The following S100A8 variants were observed in gnomAD, a reference collection of about 807,000 sequenced individuals.
S100A8 encodes the protein S100 calcium binding protein A8, also known as protein S100-A8.
Under a neutral mutation model 4.2 loss-of-function variants are expected in S100A8, and 1 was observed. That is an observed-to-expected ratio of 0.24 (90% CI 0.08 to 1.12). The LOEUF is 1.12. Among genes scored for constraint, S100A8 ranks in the 50% most tolerant of loss-of-function variants. The pLI is 0.53. For missense variants in S100A8, 96 were observed against 111.8 expected (o/e 0.86, Z 0.64); for synonymous variants, 41 against 44.7 (o/e 0.92, Z 0.33).
the S100A8 span, among the ~76,000 whole-genome samples, chr1:153,410,599 A>C: frequency 6.6e-6 from 1 of 152,212 alleles, no homozygotes; most frequent in African/African-American, 2.4e-5. Context: ...CAATCAATAG[A>C]AAAAGAGGGA....
the S100A8 span, chr1:153,418,192 AG>A: frequency 1.2e-6 from 2 of 1,613,874 alleles, no homozygotes; most frequent in African/African-American, 2.7e-5. Context: ...ACGATGATGA[AG>A]GAGAACTTCC....
At chr1:153,404,184 C>T in the S100A8 span, among the ~76,000 whole-genome samples, 4 of 152,190 alleles carry the variant, frequency 2.6e-5, no homozygotes, top group South Asian at 2.1e-4. Flanking sequence ...CCCACCCTTC[C>T]GGCACCCCAC....
the S100A8 span, among the ~76,000 whole-genome samples, chr1:153,407,927 TAACA>T: frequency 1.3e-5 from 2 of 152,128 alleles, no homozygotes; most frequent in African/African-American, 4.8e-5. Flanking sequence ...GAAGGAAAAC[TAACA>T]AACAGAAAGG....
the S100A8 span, among the ~76,000 whole-genome samples, chr1:153,398,895 C>T: frequency 6.6e-6 from 1 of 152,218 alleles, no homozygotes; most frequent in Non-Finnish European, 1.5e-5. Flanking sequence ...TCTTTGGGAA[C>T]AAGCCCAAAG....
upstream of S100A8, among the ~76,000 whole-genome samples, chr1:153,392,311 A>G (rs953838574): frequency 6.6e-6 from 1 of 152,230 alleles, no homozygotes; most frequent in African/African-American, 2.4e-5. Flanking sequence ...AAGGATGACT[A>G]CTACTTCTTT....
chr1:153,406,542 C>T, the S100A8 span, among the ~76,000 whole-genome samples: 280 of 151,716 alleles, frequency 1.8e-3, 1 homozygote, highest in East Asian at 0.037. Context: ...ACCTGCACAC[C>T]CAGAACAGAG....
chr1:153,410,355 T>C, the S100A8 span, among the ~76,000 whole-genome samples: 7 of 152,370 alleles, frequency 4.6e-5, no homozygotes, highest in East Asian at 7.7e-4. Flanking sequence ...TAAACACTTC[T>C]ATGCAAATAA....
the S100A8 span, among the ~76,000 whole-genome samples, chr1:153,408,804 G>A: frequency 6.6e-6 from 1 of 152,238 alleles, no homozygotes; most frequent in Non-Finnish European, 1.5e-5. Flanking sequence ...CAAGCCAGAA[G>A]AGAGTCGGGG....
chr1:153,418,109 C>A, the S100A8 span: 1 of 1,614,126 alleles, frequency 6.2e-7, no homozygotes, highest in East Asian at 2.2e-5. Context: ...CTGAGAGGTC[C>A]ATAATAGGCA....
chr1:153,418,385 G>A, the S100A8 span, among the ~76,000 whole-genome samples: 1 of 152,186 alleles, frequency 6.6e-6, no homozygotes, highest in Non-Finnish European at 1.5e-5. Flanking sequence ...TCTAAGGATG[G>A]TAGGCGAAAA....
the S100A8 span, among the ~76,000 whole-genome samples, chr1:153,406,588 A>G: frequency 6.6e-6 from 1 of 152,230 alleles, no homozygotes; most frequent in Non-Finnish European, 1.5e-5. Flanking sequence ...GATAAAATAC[A>G]GCAAAAAGAA....
chr1:153,404,567 C>G, the S100A8 span, among the ~76,000 whole-genome samples: 1 of 152,158 alleles, frequency 6.6e-6, no homozygotes, highest in Admixed American at 6.5e-5. Flanking sequence ...ATGTCCATTT[C>G]GTATCATCAC....
chr1:153,397,431 G>A, the S100A8 span, among the ~76,000 whole-genome samples: 3 of 152,236 alleles, frequency 2.0e-5, no homozygotes, highest in Non-Finnish European at 4.4e-5. Context: ...AGCTGTCCAG[G>A]TTGTTCCGAG....
At position 153,390,066 on chromosome 1, in the gene S100A8, A is replaced by G; in HGVS notation, c.*37T>C. The G allele has an allele frequency of 5.7e-6, 9 of 1,574,648 alleles. No homozygotes were observed. Among genetic ancestry groups the G allele is most frequent in the South Asian group, 4.5e-5 (4 of 87,990 alleles). ...GATGACTTTATTATTCTGCAGGTAC[A>G]TGTCCAGGGGCCCAGCCTCTGGGCC... On this transcript the variant is annotated 3_prime_UTR_variant, in exon 3 of 3. Transcript: ENST00000368733.
chr1:153,411,529 C>G, the S100A8 span, among the ~76,000 whole-genome samples: 10 of 152,264 alleles, frequency 6.6e-5, no homozygotes, highest in South Asian at 2.1e-3. Flanking sequence ...TAGGAAGAAT[C>G]AATATTGTGA....
chr1:153,421,441 A>G, the S100A8 span: 1 of 152,250 alleles, frequency 6.6e-6, no homozygotes, highest in Non-Finnish European at 1.5e-5. Flanking sequence ...CCCAGCACAT[A>G]GTAGTACTGG....
At chr1:153,418,111 T>C in the S100A8 span, 77 of 1,614,074 alleles carry the variant, frequency 4.8e-5, no homozygotes, top group Non-Finnish European at 6.2e-5. Context: ...GAGAGGTCCA[T>C]AATAGGCATG....
the S100A8 span, among the ~76,000 whole-genome samples, chr1:153,417,542 T>G: frequency 6.6e-6 from 1 of 152,312 alleles, no homozygotes; most frequent in South Asian, 2.1e-4. Flanking sequence ...ACCTGGAGCC[T>G]GCACGCACTG....
At chr1:153,410,975 C>T in the S100A8 span, among the ~76,000 whole-genome samples, 14 of 152,072 alleles carry the variant, frequency 9.2e-5, no homozygotes, top group African/African-American at 3.1e-4. Flanking sequence ...TGATGGGACA[C>T]ATCTCAAAAT....
Sources: allele counts gnomAD v4.1 joint callset (sites outside exome capture counted in the v4.1 genomes callset), GRCh38; gene constraint gnomAD v4.1.1; transcripts MANE v1.5; gene names NCBI Gene and HGNC (gene_info 2026-07-23, HGNC 2026-07-21).